The following TJP2 variants were observed in gnomAD, a reference collection of about 807,000 sequenced individuals.
TJP2 encodes the protein tight junction protein 2.
A neutral mutation model predicts 133.1 loss-of-function variants in TJP2; 91 were observed. The ratio of observed to expected loss-of-function variants is 0.68; its 90% CI spans 0.58 to 0.81. The LOEUF is 0.81. Ranked by LOEUF, TJP2 falls within the 40% of genes least tolerant of loss-of-function variation. TJP2 has a pLI of 0.00. For synonymous variants in TJP2, 592 were observed against 583.4 expected (o/e 1.01, Z -0.21); for missense variants, 1,541 against 1,565.6 (o/e 0.98, Z 0.26).
chr9:69,246,627 T>C lies in TJP2; in HGVS notation c.2567-63T>C, dbSNP rs376893742. Reference sequence around the variant, plus strand: ...AGAAATGAGTGTAAATTATGTCAAATAGCATCCTTAATAAACATGCCTCTG... The same window carrying C: ...AGAAATGAGTGTAAATTATGTCAAACAGCATCCTTAATAAACATGCCTCTG... On this transcript the variant is annotated intron_variant, in intron 17 of 22. Transcript: ENST00000377245. The C allele has an allele frequency of 5.1e-6, 7 of 1,366,724 alleles. No homozygotes were observed. In the African/African-American group the frequency reaches 1.0e-4, roughly 20 times the overall value. 84.7% of individuals were successfully genotyped at this position (1,366,724 alleles called of 1,614,324 possible). A position where few individuals can be genotyped will look rare whatever the true frequency, so the allele number is the denominator to read the frequency against.
chr9:69,254,484 G>C lies in TJP2; in HGVS notation c.*110G>C. 7.1e-7 allele frequency: 1 copy of C among 1,400,394 alleles called. No homozygotes were observed. The highest frequency in any genetic ancestry group is 1.0e-6 in the Non-Finnish European group (1 of 1,004,778). The allele number at this position is 1,400,394 out of a possible 1,614,324, so 86.7% of individuals were successfully genotyped here. A position where few individuals can be genotyped will look rare whatever the true frequency, so the allele number is the denominator to read the frequency against. On this transcript the variant is annotated 3_prime_UTR_variant, in exon 23 of 23. Transcript: ENST00000377245. ...AGTTAGAATGCACCATGGAGACGTG[G>C]TGGGACTCCAGCTCGTGTGTCCTCA...
intron 1 of TJP2, among the ~76,000 whole-genome samples, chr9:69,186,161 C>T (rs1825847789): frequency 6.6e-6 from 1 of 152,180 alleles, no homozygotes; most frequent in Non-Finnish European, 1.5e-5. Flanking sequence ...CCGAGTTTTT[C>T]TTAACTTTAG....
chr9:69,232,898 C>T (rs959828921), intron 11 of TJP2, among the ~76,000 whole-genome samples: 3 of 152,050 alleles, frequency 2.0e-5, no homozygotes, highest in Non-Finnish European at 2.9e-5. Context: ...AGACTGTGAT[C>T]GAGACTGATC....
At chr9:69,230,364 C>A in intron 11 of TJP2, 132 bp downstream of exon 11, 2 of 1,137,988 alleles carry the variant, frequency 1.8e-6, no homozygotes, top group Non-Finnish European at 2.6e-6. Context: ...TGATGCCCAG[C>A]ATTGAAGTCT....
chr9:69,182,775 G>A lies in TJP2; in HGVS notation c.60+8343G>A, dbSNP rs144569707. 9.9e-3 allele frequency among the ~76,000 whole-genome samples: 1,444 copies of A among 146,446 alleles called. 13 individuals carry two copies. The highest frequency in any genetic ancestry group is 0.021 in the Middle Eastern group (6 of 290). On this transcript the variant is annotated intron_variant, in intron 1 of 22. Transcript: ENST00000377245. ...CACACACACAAATCTCAAGTAGAGA[G>A]CTTGATGAATTTCTTTTTTTTTTTT...
chr9:69,223,380 T>G (rs1323829876), intron 5 of TJP2, among the ~76,000 whole-genome samples: 1 of 152,190 alleles, frequency 6.6e-6, no homozygotes, highest in Non-Finnish European at 1.5e-5. Context: ...CGATCTCGGC[T>G]CACTGCAGGC....
rs1468245019 is a variant in TJP2, at chr9:69,246,278, C to T, written c.2567-412C>T. On this transcript the variant is annotated intron_variant, in intron 17 of 22. Transcript: ENST00000377245. ...GGGACAACTTTATGTTTAAGTGTTA[C>T]TTTTAGTATTTTATTGGAGGTAGCC... 4 of 253,654 alleles carry T rather than the reference C, an allele frequency of 1.6e-5. No individual in the cohort carries two copies. The East Asian group carries it at 2.9e-4, about 19-fold the overall frequency. The allele number at this position is 253,654 out of a possible 1,614,324, so 15.7% of individuals were successfully genotyped here.
At chr9:69,183,380 C>T (rs749639342) in intron 1 of TJP2, among the ~76,000 whole-genome samples, 2 of 152,156 alleles carry the variant, frequency 1.3e-5, no homozygotes, top group Non-Finnish European at 2.9e-5. Flanking sequence ...TCTGACTTCT[C>T]TCACCGTGGA....
chr9:69,131,689 G>A (rs986874462), intron 1 of TJP2, among the ~76,000 whole-genome samples: 1 of 152,176 alleles, frequency 6.6e-6, no homozygotes, highest in Non-Finnish European at 1.5e-5. Flanking sequence ...GAACTGAGTA[G>A]CAGCTCCTTA....
intron 12 of TJP2, among the ~76,000 whole-genome samples, chr9:69,235,149 G>A (rs78881711): frequency 0.073 from 11,118 of 152,216 alleles, 463 homozygotes; most frequent in African/African-American, 0.11. Context: ...TAGAGACTCA[G>A]GAGAGCCAGT....
In TJP2 at chr9:69,147,893, G is replaced by A. The variant is rs985195743; in HGVS notation, c.-130-3758G>A. On this transcript the variant is annotated intron_variant, in intron 1 of 5. Coordinates refer to the TJP2 transcript ENST00000423935. ...ACCTATAATACTCTTTGAGTTCTGT[G>A]AATACACAGGGATAAAACATTTCAC... Among the ~76,000 whole-genome samples, 5 of 150,998 alleles carry A rather than the reference G, an allele frequency of 3.3e-5. No individual in the cohort carries two copies. In the South Asian group the frequency reaches 1.0e-3, roughly 32 times the overall value.
chr9:69,242,903 G>A (rs772307992), intron 17 of TJP2, among the ~76,000 whole-genome samples: 4 of 152,146 alleles, frequency 2.6e-5, no homozygotes, highest in Non-Finnish European at 4.4e-5. Context: ...TCCCTCTGTC[G>A]CCCAAGCTAG....
At chr9:69,231,985 G>A (rs1344394375) in intron 11 of TJP2, among the ~76,000 whole-genome samples, 1 of 152,204 alleles carries the variant, frequency 6.6e-6, no homozygotes, top group Non-Finnish European at 1.5e-5. Flanking sequence ...TTCAGGGGCT[G>A]GGAGATTTTC....
At chr9:69,207,097 C>T (rs950093025) in intron 1 of TJP2, among the ~76,000 whole-genome samples, 63 of 152,108 alleles carry the variant, frequency 4.1e-4, no homozygotes, top group African/African-American at 1.3e-3. Flanking sequence ...CATTTCCTTG[C>T]TTTTTCTTTA....
chr9:69,222,246 G>A (rs916263600), intron 5 of TJP2, among the ~76,000 whole-genome samples: 1 of 150,824 alleles, frequency 6.6e-6, no homozygotes, highest in Non-Finnish European at 1.5e-5. Context: ...GCATGATCTC[G>A]GCTCACTGCA....
At chr9:69,151,979 G>T (rs996263536) in intron 2 of TJP2, among the ~76,000 whole-genome samples, 2 of 152,164 alleles carry the variant, frequency 1.3e-5, no homozygotes, top group African/African-American at 4.8e-5. Context: ...TGAATTGATA[G>T]GTATAACTTT....
chr9:69,215,529 T>C (rs1334867837), intron 2 of TJP2, among the ~76,000 whole-genome samples: 1 of 152,006 alleles, frequency 6.6e-6, no homozygotes, highest in Non-Finnish European at 1.5e-5. Context: ...GGACTATGGA[T>C]GTGCACCACC....
upstream of TJP2, among the ~76,000 whole-genome samples, chr9:69,171,686 G>A (rs1328550929): frequency 6.6e-6 from 1 of 150,862 alleles, no homozygotes; most frequent in African/African-American, 2.4e-5. Flanking sequence ...ATCATTACTT[G>A]TTGATTGTCT....
intron 1 of TJP2, among the ~76,000 whole-genome samples, chr9:69,182,872 T>A (rs567469281): frequency 6.8e-5 from 10 of 147,424 alleles, no homozygotes; most frequent in Admixed American, 2.1e-4. Flanking sequence ...CACCACAACC[T>A]GTGCCCTCCA....
Sources: gnomAD v4.1 joint callset for allele counts (sites outside exome capture counted in the v4.1 genomes callset) on GRCh38, gnomAD v4.1.1 for gene constraint, MANE v1.5 for transcripts, NCBI Gene and HGNC (gene_info 2026-07-23, HGNC 2026-07-21) for gene names.